Variants in CR1L observed in about 807,000 individuals in gnomAD.
CR1L encodes complement component receptor 1-like protein.
Under a neutral mutation model 62.3 loss-of-function variants are expected in CR1L, and 59 were observed. That is an observed-to-expected ratio of 0.95 (90% CI 0.77 to 1.18). The LOEUF (loss-of-function observed/expected upper bound fraction) is 1.18. Ranked by LOEUF, CR1L falls within the 50% of genes most tolerant of loss-of-function variation. CR1L has a pLI of 0.00. For missense variants in CR1L, 700 were observed against 702.8 expected, an observed-to-expected ratio of 1.00 and a Z score of 0.04; for synonymous variants, 279 against 248.7, an observed-to-expected ratio of 1.12 and a Z score of -1.15.
intron 11 of CR1L, among the ~76,000 whole-genome samples, chr1:207,723,202 C>T (rs909066927): frequency 5.9e-5 from 9 of 152,020 alleles, no homozygotes; most frequent in Non-Finnish European, 7.4e-5. Flanking sequence ...GAGGCTGAGG[C>T]GGGCAGATCA....
In CR1L at chr1:207,697,674, G is replaced by A. The variant is rs1456568993; in HGVS notation, c.1034G>A (p.Cys345Tyr). ...GACTGGAGCCCTGCAGCCCCCAGAT[G>A]TGAAGGTGACTAGACTCTTATCTGG... ...QGDWSPAAPRCEVKSCDDFLG... is the reference protein window; with the variant it reads ...QGDWSPAAPRYEVKSCDDFLG... Residue 345 changes from cysteine to tyrosine, a missense_variant, in exon 6 of 12, where the codon TGT becomes TAT. Transcript: ENST00000508064. 2 of 1,614,014 alleles carry A rather than the reference G, an allele frequency of 1.2e-6. No homozygotes were observed. The highest frequency in any genetic ancestry group is 2.2e-5 in the South Asian group (2 of 91,084).
chr1:207,669,617 G>A (rs2102452327), intron 1 of CR1L: 1 of 1,121,016 alleles, frequency 8.9e-7, no homozygotes, highest in East Asian at 2.6e-5. Flanking sequence ...GGCACCCAGG[G>A]CCCCGCAGAG....
At position 207,715,044 on chromosome 1, in the gene CR1L, T is replaced by C. The variant is rs548052989; in HGVS notation, c.1415-2420T>C. Among the ~76,000 whole-genome samples the C allele has an allele frequency of 2.6e-5, 4 of 152,316 alleles. No homozygotes were observed. In the South Asian group the frequency reaches 8.3e-4, roughly 32 times the overall value. ...GCCTTCTGTAGGTGATGCTGGGCTA[T>C]GAAGTTTATATGGCACTTCAGCTCT... On this transcript the variant is annotated intron_variant, in intron 10 of 11. Coordinates refer to ENST00000508064, the MANE Select transcript of CR1L (RefSeq NM_175710.2).
intron 9 of CR1L, among the ~76,000 whole-genome samples, chr1:207,706,185 C>T (rs544221425): frequency 1.3e-5 from 2 of 151,628 alleles, no homozygotes; most frequent in South Asian, 4.2e-4. Flanking sequence ...ACTGAGAGGC[C>T]GAAGCAAGAG....
intron 11 of CR1L, among the ~76,000 whole-genome samples, chr1:207,719,213 C>A: frequency 7.2e-6 from 1 of 138,464 alleles, no homozygotes; most frequent in African/African-American, 2.7e-5. Context: ...ACATATGTAA[C>A]TAACCTGCAC....
intron 1 of CR1L, among the ~76,000 whole-genome samples, chr1:207,663,825 G>A (rs1379290516): frequency 6.6e-6 from 1 of 152,162 alleles, no homozygotes; most frequent in East Asian, 1.9e-4. Context: ...TACTGAGTTT[G>A]TTCCTACTGC....
At chr1:207,668,372 A>G (rs1021490330) in intron 1 of CR1L, among the ~76,000 whole-genome samples, 1 of 151,172 alleles carries the variant, frequency 6.6e-6, no homozygotes, top group Non-Finnish European at 1.5e-5. Context: ...TTGCAGCAAC[A>G]TGGATGAATC....
chr1:207,664,671 A>G (rs2102448512), intron 1 of CR1L, among the ~76,000 whole-genome samples: 1 of 152,352 alleles, frequency 6.6e-6, no homozygotes, highest in East Asian at 1.9e-4. Flanking sequence ...AAGTGTTTAT[A>G]AAACACTGAT....
At chr1:207,654,910 G>C (rs1342805304) in intron 1 of CR1L, among the ~76,000 whole-genome samples, 2 of 152,192 alleles carry the variant, frequency 1.3e-5, no homozygotes, top group African/African-American at 4.8e-5. Context: ...AAATGAATGT[G>C]TAATGTGATT....
chr1:207,649,787 G>A (rs1663194004), intron 1 of CR1L, among the ~76,000 whole-genome samples: 1 of 152,134 alleles, frequency 6.6e-6, no homozygotes, highest in African/African-American at 2.4e-5. Context: ...GCCATCGAAA[G>A]GTATCTGTCT....
At chr1:207,667,006 C>T (rs1294628595) in intron 1 of CR1L, among the ~76,000 whole-genome samples, 1 of 152,078 alleles carries the variant, frequency 6.6e-6, no homozygotes, top group Non-Finnish European at 1.5e-5. Flanking sequence ...CCTCTTGTGC[C>T]TTTTTTGGAA....
intron 3 of CR1L, among the ~76,000 whole-genome samples, chr1:207,680,290 T>G (rs372038616): frequency 5.2e-4 from 78 of 150,854 alleles, no homozygotes; most frequent in Middle Eastern, 3.4e-3. Flanking sequence ...CAAAGTCTAT[T>G]TTTTTTTAAA....
At chr1:207,695,781 T>C (rs1321568526) in intron 5 of CR1L, among the ~76,000 whole-genome samples, 1 of 152,164 alleles carries the variant, frequency 6.6e-6, no homozygotes, top group African/African-American at 2.4e-5. Flanking sequence ...GAAGCATGTA[T>C]ATTTTCATAT....
chr1:207,677,583 A>T lies in CR1L; in HGVS notation c.277+15A>T. The T allele has an allele frequency of 6.2e-7, 1 of 1,609,028 alleles. No individual in the cohort carries two copies. Among genetic ancestry groups the T allele is most frequent in the South Asian group, 1.1e-5 (1 of 89,820 alleles). ...CAAGTGCAAACGTAAGTAACTCTGG[A>T]GTGGGAACCCCTCTGTTAGTCAAAC... On this transcript the variant is annotated intron_variant, in intron 2 of 11. Coordinates refer to ENST00000508064, the MANE Select transcript of CR1L (RefSeq NM_175710.2).
chr1:207,657,059 C>A, intron 1 of CR1L: 1 of 586,350 alleles, frequency 1.7e-6, no homozygotes, highest in East Asian at 2.8e-5. Context: ...ACTGAAGACA[C>A]AGAAATTTTA....
chr1:207,661,473 C>G (rs1189489300), intron 1 of CR1L, among the ~76,000 whole-genome samples: 1 of 151,766 alleles, frequency 6.6e-6, no homozygotes, highest in African/African-American at 2.4e-5. Context: ...CAACCCCTGC[C>G]TTTTTTTTGT....
chr1:207,666,215 T>C (rs867015893), intron 1 of CR1L, among the ~76,000 whole-genome samples: 7 of 152,218 alleles, frequency 4.6e-5, no homozygotes, highest in African/African-American at 1.4e-4. Flanking sequence ...TACCAAACTG[T>C]ACGTCCCAGA....
At chr1:207,677,932 A>G (rs1422608151) in intron 2 of CR1L, among the ~76,000 whole-genome samples, 1 of 152,256 alleles carries the variant, frequency 6.6e-6, no homozygotes, top group African/African-American at 2.4e-5. Flanking sequence ...GGATTATATC[A>G]GTTGAATTGA....
intron 1 of CR1L, among the ~76,000 whole-genome samples, chr1:207,671,716 C>A (rs971704074): frequency 2.7e-5 from 4 of 150,720 alleles, no homozygotes; most frequent in Non-Finnish European, 4.4e-5. Context: ...GAGGTCAGGA[C>A]TTTGAGACCA....
Sources: allele counts gnomAD v4.1 joint callset (sites outside exome capture counted in the v4.1 genomes callset), GRCh38; gene constraint gnomAD v4.1.1; transcripts MANE v1.5; gene names NCBI Gene and HGNC (gene_info 2026-07-23, HGNC 2026-07-21).